C20orf203: variants seen among roughly 807,000 people sequenced by gnomAD.
C20orf203 encodes the protein chromosome 20 open reading frame 203, also known as uncharacterized protein C20orf203.
C20orf203 carries 16 observed loss-of-function variants against 15.9 expected under a neutral mutation model. The observed-to-expected ratio is 1.01, with a 90% CI of 0.68 to 1.53. The LOEUF is 1.53. C20orf203 is among the 40% of genes most tolerant of loss of function. C20orf203 has a pLI of 0.00. For missense variants in C20orf203, 263 were observed against 247.5 expected (o/e 1.06, Z -0.42); for synonymous variants, 98 against 97.2 (o/e 1.01, Z -0.05).
At chr20:32,656,444 A>G (rs1419388543) in intron 1 of C20orf203, 1 of 152,254 alleles carries the variant, frequency 6.6e-6, no homozygotes, top group Non-Finnish European at 1.5e-5. Context: ...ACTGCTGGTA[A>G]GAATGTAAAA....
At chr20:32,638,828 C>T (rs756660500) in intron 5 of C20orf203, among the ~76,000 whole-genome samples, 1 of 152,278 alleles carries the variant, frequency 6.6e-6, no homozygotes, top group Admixed American at 6.5e-5. Flanking sequence ...AAAGGGGGGG[C>T]GGGCAGCATC....
chr20:32,653,310 C>T lies in C20orf203; in HGVS notation c.-263-1329G>A, dbSNP rs148342039. On this transcript the variant is annotated intron_variant, in intron 1 of 5. Transcript: ENST00000608990. ...AACAGAACCCAGAAGTTCCTCTGTA[C>T]CAATGCTTTTTTTTAGGGGGTCTCA... Among the ~76,000 whole-genome samples, 696 of 152,264 alleles carry T rather than the reference C, an allele frequency of 4.6e-3. 8 individuals are homozygous for T. The highest frequency in any genetic ancestry group is 0.016 in the African/African-American group (673 of 41,552).
At chr20:32,673,555 T>C (rs1288398719) in intron 1 of C20orf203, 77 bp downstream of exon 1, 1 of 152,356 alleles carries the variant, frequency 6.6e-6, no homozygotes, top group East Asian at 1.9e-4. Flanking sequence ...TCTGCTGGCT[T>C]TTTTGGTCAC....
chr20:32,661,861 G>A (rs1355783071), intron 1 of C20orf203, among the ~76,000 whole-genome samples: 2 of 152,130 alleles, frequency 1.3e-5, no homozygotes, highest in Admixed American at 6.6e-5. Context: ...CTCCACACCT[G>A]TGCTCCCCAC....
rs893896935 is a variant in C20orf203 at position 32,659,392 on chromosome 20, CAGCTCAA to C, written c.-263-7418_-263-7412del. The stretch of plus-strand genomic sequence containing the variant: ...TACTACCAGCACAAAAACATTATCG[CAGCTCAA>C]TGAACACTCTCTACGCATCAGGCAG... On this transcript the variant is annotated intron_variant, in intron 1 of 5. Coordinates refer to ENST00000608990, the MANE Select transcript of C20orf203 (RefSeq NM_182584.4). Among the ~76,000 whole-genome samples, 98 of 152,374 alleles carry C rather than the reference CAGCTCAA, an allele frequency of 6.4e-4. 1 individual carries two copies. Among genetic ancestry groups the C allele is most frequent in the African/African-American group, 2.3e-3 (96 of 41,596 alleles).
At chr20:32,636,978 G>C (rs1471245242) in intron 5 of C20orf203, among the ~76,000 whole-genome samples, 1 of 152,212 alleles carries the variant, frequency 6.6e-6, no homozygotes, top group Non-Finnish European at 1.5e-5. Flanking sequence ...CCACTGCCGG[G>C]AGACAGCAGC....
chr20:32,656,613 G>T (rs1316357586), intron 1 of C20orf203: 1 of 152,328 alleles, frequency 6.6e-6, no homozygotes, highest in East Asian at 1.9e-4. Context: ...TGTAATCCCA[G>T]CACTTTGGGA....
intron 1 of C20orf203, among the ~76,000 whole-genome samples, chr20:32,652,933 T>G (rs1419405358): frequency 6.6e-6 from 1 of 152,144 alleles, no homozygotes. Context: ...GGATGGTGCC[T>G]CCGTCACTCC....
Position 32,650,658 on chromosome 20 carries a change from C to T in C20orf203, c.359G>A (p.Arg120Lys). Residue 120 changes from arginine (R) to lysine (K), a missense_variant, in exon 4 of 6, where the codon AGG becomes AAG. Physicochemically the swap from Arg to Lys is conservative, Grantham distance 26 (BLOSUM62 2). Coordinates refer to ENST00000608990, the MANE Select transcript of C20orf203 (RefSeq NM_182584.4). ...LRLSKVGRRD[R>K]EVGRGLRAPA... ...GGCCCGCAGCCCCCTCCCCACTTCC[C>T]TATCTCTCCGACCCACCTTGCTGAG... 6.5e-7 allele frequency: 1 copy of T among 1,549,524 alleles called. No individual in the cohort carries two copies. The highest frequency in any genetic ancestry group is 8.7e-7 in the Non-Finnish European group (1 of 1,146,594).
At chr20:32,640,346 A>G (rs142136274) in intron 5 of C20orf203, among the ~76,000 whole-genome samples, 62 of 152,192 alleles carry the variant, frequency 4.1e-4, no homozygotes, top group African/African-American at 9.7e-4. Flanking sequence ...ATGCAATTCA[A>G]TGGTTGCTAG....
intron 4 of C20orf203, among the ~76,000 whole-genome samples, chr20:32,643,766 A>G (rs1982351074): frequency 6.6e-6 from 1 of 152,122 alleles, no homozygotes; most frequent in South Asian, 2.1e-4. Context: ...TTTTCTGCCC[A>G]AGGTCGATTT....
At chr20:32,646,722 AGAATTGT>A (rs1303199426) in intron 4 of C20orf203, among the ~76,000 whole-genome samples, 1 of 152,246 alleles carries the variant, frequency 6.6e-6, no homozygotes, top group African/African-American at 2.4e-5. Context: ...TGCCACCTTC[AGAATTGT>A]GTATTGCAGT....
chr20:32,633,218 T>C lies in C20orf203; in HGVS notation c.*2352A>G, dbSNP rs1018256532. 1 of 152,198 alleles carries C rather than the reference T, an allele frequency of 6.6e-6. No individual in the cohort carries two copies. Among genetic ancestry groups the C allele is most frequent in the African/African-American group, 2.4e-5 (1 of 41,446 alleles). The allele number at this position is 152,198 out of a possible 1,614,324, so 9.4% of individuals were successfully genotyped here. ...ACTGTGCCAGGAAAACCCTCAGTTT[T>C]GGACAAACCAGGATGGTTGGTCACC... On this transcript the variant is annotated 3_prime_UTR_variant, in exon 6 of 6. Transcript: ENST00000608990.
At chr20:32,672,566 A>G (rs921474139) in intron 1 of C20orf203, among the ~76,000 whole-genome samples, 5 of 116,636 alleles carry the variant, frequency 4.3e-5, no homozygotes, top group African/African-American at 1.4e-4. Flanking sequence ...GAGCAAGACA[A>G]TATCTCCAAA....
At position 32,651,201 on chromosome 20, in the gene C20orf203, G is replaced by A. The variant is rs766758220; in HGVS notation, c.-14-35C>T. On this transcript the variant is annotated intron_variant, in intron 2 of 5. Coordinates refer to ENST00000608990, the MANE Select transcript of C20orf203 (RefSeq NM_182584.4). Reference sequence around the variant, plus strand: ...AAAAAAAAAAAAAAAAAATTAGCTGGGTGTGTTGGCTTGCGCCTGAGGGTT... The same window carrying A: ...AAAAAAAAAAAAAAAAAATTAGCTGAGTGTGTTGGCTTGCGCCTGAGGGTT... The A allele has an allele frequency of 1.0e-4, 51 of 511,014 alleles. 1 individual carries two copies. Among genetic ancestry groups the A allele is most frequent in the Non-Finnish European group, 1.5e-4 (45 of 298,552 alleles). The allele number at this position is 511,014 out of a possible 1,614,324, so 31.7% of individuals were successfully genotyped here.
chr20:32,647,696 C>T (rs1034417750), intron 4 of C20orf203, among the ~76,000 whole-genome samples: 3 of 152,056 alleles, frequency 2.0e-5, no homozygotes, highest in African/African-American at 7.2e-5. Context: ...CAGAGCAAGA[C>T]CCTATGTCTA....
chr20:32,671,695 C>T lies in C20orf203; in HGVS notation c.-264+1937G>A, dbSNP rs62209294. ...TCTCTACTAAAAATACAAAATTAGC[C>T]GGGCGTGGTGGCGCACACCTATAAT... is the stretch of plus-strand genomic sequence containing the variant. On this transcript the variant is annotated intron_variant, in intron 1 of 5. Transcript: ENST00000608990. Among the ~76,000 whole-genome samples the T allele has an allele frequency of 8.9e-3, 1,356 of 151,852 alleles. 10 individuals carry two copies. The highest frequency in any genetic ancestry group is 0.013 in the Non-Finnish European group (911 of 67,920).
At position 32,640,890 on chromosome 20, in the gene C20orf203, T is replaced by C. The variant is rs116724999; in HGVS notation, c.*1178-203A>G. ...ATTTCATACAAATGGATTCACACAGTATGTGATCTTTGTGACAGGCTCCTT... is the reference window on the plus strand; with the variant it reads ...ATTTCATACAAATGGATTCACACAGCATGTGATCTTTGTGACAGGCTCCTT... On this transcript the variant is annotated intron_variant, in intron 4 of 5. Transcript: ENST00000608990. Among the ~76,000 whole-genome samples the C allele has an allele frequency of 7.9e-3, 1,207 of 152,272 alleles. 16 individuals carry two copies. Among genetic ancestry groups the C allele is most frequent in the African/African-American group, 0.028 (1,168 of 41,554 alleles).
In C20orf203 at chr20:32,650,556, G is replaced by A. The variant is rs554343704; in HGVS notation, c.461C>T (p.Ser154Leu). The A allele has an allele frequency of 9.7e-6, 15 of 1,548,698 alleles. No individual in the cohort carries two copies. The highest frequency in any genetic ancestry group is 2.0e-5 in the Admixed American group (1 of 51,004). The change falls in exon 4 of 6, where the codon TCG becomes TTG. Residue 154 changes from serine to leucine, a missense_variant. Coordinates refer to ENST00000608990, the MANE Select transcript of C20orf203 (RefSeq NM_182584.4). ...TVGDFGQALS[S>L]LAWTSTCFQD... ...GAAACATGTTGAGGTCCAGGCCAGCGAGGACAGAGCTTGGCCAAAGTCCCC... is the reference window on the plus strand; with the variant it reads ...GAAACATGTTGAGGTCCAGGCCAGCAAGGACAGAGCTTGGCCAAAGTCCCC...
Sources: allele counts gnomAD v4.1 joint callset (sites outside exome capture counted in the v4.1 genomes callset), GRCh38; gene constraint gnomAD v4.1.1; transcripts MANE v1.5; gene names NCBI Gene and HGNC (gene_info 2026-07-23, HGNC 2026-07-21).